RCC1L: variants seen among roughly 807,000 people sequenced by gnomAD.
RCC1L encodes RCC1 like.
Under a neutral mutation model 58.6 loss-of-function variants are expected in RCC1L, and 46 were observed. The ratio of observed to expected loss-of-function variants is 0.79; its 90% CI spans 0.62 to 1.00. The LOEUF (loss-of-function observed/expected upper bound fraction) is 1.00, where lower values mean the gene tolerates loss of function less well. Ranked by LOEUF, RCC1L falls within the 50% of genes least tolerant of loss-of-function variation. The pLI is 0.00. For missense variants in RCC1L, 636 were observed against 623.6 expected (o/e 1.02, Z -0.21); for synonymous variants, 281 against 262.9 (o/e 1.07, Z -0.67).
chr7:75,050,825 G>A (rs1222795170), intron 10 of RCC1L, among the ~76,000 whole-genome samples: 1 of 152,048 alleles, frequency 6.6e-6, no homozygotes, highest in Non-Finnish European at 1.5e-5. Flanking sequence ...GGCGTGATGG[G>A]TCATGCCTGT....
rs1219969472 is a variant in RCC1L at position 75,061,505 on chromosome 7, G to A, written c.703-214C>T. ...TTAAAGTAAAATGCAGATCTCCAAA[G>A]GGGCAAATCCAAGAGCTCTGCCATC... is the stretch of plus-strand genomic sequence containing the variant. On this transcript the variant is annotated intron_variant, in intron 5 of 10. Coordinates refer to ENST00000610322, the MANE Select transcript of RCC1L (RefSeq NM_030798.5). 3.9e-5 allele frequency among the ~76,000 whole-genome samples: 6 copies of A among 152,156 alleles called. No individual in the cohort carries two copies. In the East Asian group the frequency reaches 1.2e-3, roughly 29 times the overall value.
At chr7:75,047,882 T>C (rs1805777900) in intron 10 of RCC1L, among the ~76,000 whole-genome samples, 1 of 141,324 alleles carries the variant, frequency 7.1e-6, no homozygotes, top group African/African-American at 2.6e-5. Context: ...CCTGACCCCA[T>C]GATCTGCCCA....
chr7:75,057,480 T>C (rs1806117676), intron 8 of RCC1L, 49 bp downstream of exon 8: 3 of 1,589,086 alleles, frequency 1.9e-6, no homozygotes, highest in African/African-American at 1.3e-5. Context: ...CCACTCCCTA[T>C]GTAATCTACC....
downstream of RCC1L, among the ~76,000 whole-genome samples, chr7:75,041,187 C>A (rs1383034815): frequency 6.6e-6 from 1 of 151,556 alleles, no homozygotes; most frequent in Admixed American, 6.6e-5. Context: ...GCACTCCAGC[C>A]TGGGCGACAG....
chr7:75,058,318 T>C (rs1806148207), intron 7 of RCC1L: 1 of 425,420 alleles, frequency 2.4e-6, no homozygotes, highest in Admixed American at 3.6e-5. Context: ...CTCACTGCAA[T>C]CTGCAAGCGA....
At chr7:75,049,497 CG>C (rs1193611575) in intron 10 of RCC1L, among the ~76,000 whole-genome samples, 4 of 150,444 alleles carry the variant, frequency 2.7e-5, no homozygotes, top group Non-Finnish European at 5.9e-5. Flanking sequence ...AAAAAAAAAA[CG>C]AAAAAAAAAT....
At chr7:75,041,863 C>CAAAAAAAAAAAA (rs1201913828), downstream of RCC1L, among the ~76,000 whole-genome samples, 2 of 64,422 alleles carry the variant, frequency 3.1e-5, no homozygotes, top group Non-Finnish European at 3.7e-5. Context: ...GACTCTGTCT[C>CAAAAAAAAAAAA]AAAAAAAAAA....
chr7:75,050,456 C>T (rs919330866), intron 10 of RCC1L, among the ~76,000 whole-genome samples: 6 of 152,166 alleles, frequency 3.9e-5, no homozygotes, highest in Non-Finnish European at 2.9e-5. Context: ...GCAGGGGCAA[C>T]GTGACCTGAG....
chr7:75,059,224 A>G (rs1327588792), intron 6 of RCC1L, among the ~76,000 whole-genome samples: 1 of 150,706 alleles, frequency 6.6e-6, no homozygotes, highest in Non-Finnish European at 1.5e-5. Flanking sequence ...GAAAAGAAAG[A>G]AAGAAAAGAA....
In RCC1L at chr7:75,064,825, G is replaced by A. The variant is rs587657420; in HGVS notation, c.584-177C>T. 4 of 705,776 alleles carry A rather than the reference G, an allele frequency of 5.7e-6. No homozygotes were observed. The South Asian group carries it at 6.2e-5, about 11-fold the overall frequency. 43.7% of individuals were successfully genotyped at this position (705,776 alleles called of 1,614,324 possible). On this transcript the variant is annotated intron_variant, in intron 3 of 10. Transcript: ENST00000610322. ...TCTGCAGAAACTCACAAGGGGCATG[G>A]GGGAATCTAGACCCGCCTTCCCCTC...
Position 75,042,372 on chromosome 7 carries a change from C to T in RCC1L, c.*660G>A, listed in dbSNP as rs1300960027. The T allele has an allele frequency of 8.1e-6, 8 of 985,698 alleles. No individual in the cohort carries two copies. The African/African-American group carries it at 1.0e-4, about 13-fold the overall frequency. The allele number at this position is 985,698 out of a possible 1,614,324, so 61.1% of individuals were successfully genotyped here. A position where few individuals can be genotyped will look rare whatever the true frequency, so the allele number is the denominator to read the frequency against. On this transcript the variant is annotated 3_prime_UTR_variant, in exon 11 of 11. Coordinates refer to ENST00000610322, the MANE Select transcript of RCC1L (RefSeq NM_030798.5). ...GGCCCTCGGCGCAGAGGAACTTGGCCTCGATTCTCTTCCTGAGGGGCTTCT... is the reference window on the plus strand; with the variant it reads ...GGCCCTCGGCGCAGAGGAACTTGGCTTCGATTCTCTTCCTGAGGGGCTTCT...
rs947549360 is a variant in RCC1L, at chr7:75,043,253, T to C, written c.1318-144A>G. The C allele has an allele frequency of 1.6e-3, 1,563 of 969,220 alleles. 8 individuals carry two copies. The highest frequency in any genetic ancestry group is 6.6e-3 in the South Asian group (456 of 68,662). The allele number at this position is 969,220 out of a possible 1,614,324, so 60.0% of individuals were successfully genotyped here. A position where few individuals can be genotyped will look rare whatever the true frequency, so the allele number is the denominator to read the frequency against. On this transcript the variant is annotated intron_variant, in intron 10 of 10. Coordinates refer to ENST00000610322, the MANE Select transcript of RCC1L (RefSeq NM_030798.5). The stretch of plus-strand genomic sequence containing the variant: ...CTCAGCAGGAGACAGCTTGTCTCAG[T>C]AGGAGACAGCTTCTCTGAGCCTCGG...
chr7:75,039,013 G>A (rs907691037), downstream of RCC1L, among the ~76,000 whole-genome samples: 6 of 152,328 alleles, frequency 3.9e-5, 1 homozygote, highest in African/African-American at 1.4e-4. Flanking sequence ...GCTAATTTTT[G>A]TATTTTCAGT....
intron 10 of RCC1L, among the ~76,000 whole-genome samples, chr7:75,031,804 T>G (rs1805313180): frequency 6.6e-6 from 1 of 152,192 alleles, no homozygotes; most frequent in Non-Finnish European, 1.5e-5. Context: ...TTTGGCTGAG[T>G]GATTCTGGCT....
rs1554443492 is a variant in RCC1L at position 75,052,777 on chromosome 7, T to C, written c.1251A>G (p.Val417=). 8 of 1,612,996 alleles carry C rather than the reference T, an allele frequency of 5.0e-6. No homozygotes were observed. Among genetic ancestry groups the C allele is most frequent in the East Asian group, 2.2e-5 (1 of 44,806 alleles). The change falls in exon 10 of 11, where the codon GTA becomes GTG. Residue 417 remains valine, a synonymous_variant. Coordinates refer to ENST00000610322, the MANE Select transcript of RCC1L (RefSeq NM_030798.5). ...GGCACCCTCGGATGTTCTTGCCCCA[T>C]ACAAACAGCTCTCCTTTGTCTGCAA... ...AALTNKGELF[V]WGKNIRGCLG...
chr7:75,064,714 G>T, intron 3 of RCC1L, 66 bp from the exon 4 acceptor site: 1 of 1,569,698 alleles, frequency 6.4e-7, no homozygotes, highest in Non-Finnish European at 8.8e-7. Flanking sequence ...GTGAGGACTG[G>T]AAGGGGTCTC....
chr7:75,050,038 A>G (rs1805856806), intron 10 of RCC1L, among the ~76,000 whole-genome samples: 1 of 152,194 alleles, frequency 6.6e-6, no homozygotes, highest in African/African-American at 2.4e-5. Context: ...AATGTGCAAG[A>G]GGAAGGACAA....
Position 75,057,382 on chromosome 7 carries a change from G to A in RCC1L, c.1057+147C>T, listed in dbSNP as rs1014092976. The A allele has an allele frequency of 3.2e-4, 238 of 734,756 alleles. No individual in the cohort carries two copies. In the African/African-American group the frequency reaches 3.8e-3, roughly 12 times the overall value. The allele number at this position is 734,756 out of a possible 1,614,324, so 45.5% of individuals were successfully genotyped here. A position where few individuals can be genotyped will look rare whatever the true frequency, so the allele number is the denominator to read the frequency against. On this transcript the variant is annotated intron_variant, in intron 8 of 10. Transcript: ENST00000610322. ...TCCTCCTGCATCAGTTCCCCAAAGT[G>A]CTGGGATTACAGATGTGAGCCACCG...
chr7:75,066,572 A>G (rs1436851022), intron 3 of RCC1L, 92 bp downstream of exon 3: 1 of 1,568,248 alleles, frequency 6.4e-7, no homozygotes, highest in Non-Finnish European at 8.7e-7. Context: ...ATGTGGCTCA[A>G]TCGATCAAGC....
Sources: gnomAD v4.1 joint callset for allele counts (sites outside exome capture counted in the v4.1 genomes callset) on GRCh38, gnomAD v4.1.1 for gene constraint, MANE v1.5 for transcripts, NCBI Gene and HGNC (gene_info 2026-07-23, HGNC 2026-07-21) for gene names.